CNTNAP2: variants seen among roughly 807,000 people sequenced by gnomAD.
CNTNAP2 encodes contactin associated protein 2.
A neutral mutation model predicts 155.2 loss-of-function variants in CNTNAP2; 98 were observed. That is an observed-to-expected ratio of 0.63 (90% CI 0.54 to 0.75). The LOEUF (loss-of-function observed/expected upper bound fraction) is 0.75. CNTNAP2 is among the 30% of genes least tolerant of loss of function. The pLI is 0.00. For missense variants in CNTNAP2, 1,727 were observed against 1,688.1 expected (o/e 1.02, Z -0.40); for synonymous variants, 651 against 631.2 (o/e 1.03, Z -0.47).
Position 147,366,781 on chromosome 7 carries a change from GCACACA to G in CNTNAP2, c.1499-28802_1499-28797del, listed in dbSNP as rs71182194. ...GTGATTTTTTACGAATTTGTTGCACGCACACACACACACACACACACACACACACAC... is the reference window on the plus strand; with the variant it reads ...GTGATTTTTTACGAATTTGTTGCACGCACACACACACACACACACACACAC... On this transcript the variant is annotated intron_variant, in intron 9 of 23. Transcript: ENST00000361727. Among the ~76,000 whole-genome samples the G allele has an allele frequency of 2.2e-3, 228 of 105,954 alleles. 1 individual carries two copies. The highest frequency in any genetic ancestry group is 5.6e-3 in the African/African-American group (211 of 37,470). The allele number at this position is 105,954 out of a possible 152,430, so 69.5% of individuals were successfully genotyped here. A position where few individuals can be genotyped will look rare whatever the true frequency, so the allele number is the denominator to read the frequency against.
In CNTNAP2 at chr7:146,555,790, A is replaced by G. The variant is rs116731769; in HGVS notation, c.98-218481A>G. ...TTTGGCATCAGAAGGACTGAGTACA[A>G]ACCTTGGCTCTGCCAATTAATATTG... On this transcript the variant is annotated intron_variant, in intron 1 of 23. Coordinates refer to ENST00000361727, the MANE Select transcript of CNTNAP2 (RefSeq NM_014141.6). Among the ~76,000 whole-genome samples the G allele has an allele frequency of 4.0e-3, 612 of 152,312 alleles. 8 individuals are homozygous for G. Among genetic ancestry groups the G allele is most frequent in the African/African-American group, 0.014 (598 of 41,560 alleles).
At chr7:146,649,848 T>A (rs942207155) in intron 1 of CNTNAP2, among the ~76,000 whole-genome samples, 2 of 151,954 alleles carry the variant, frequency 1.3e-5, no homozygotes, top group African/African-American at 4.8e-5. Context: ...AAGAGAAATA[T>A]ACAGAATCTG....
At chr7:146,564,824 A>G (rs1468765731) in intron 1 of CNTNAP2, among the ~76,000 whole-genome samples, 5 of 151,860 alleles carry the variant, frequency 3.3e-5, no homozygotes, top group Non-Finnish European at 5.9e-5. Context: ...TTAGTAGTTT[A>G]CAAAATATGT....
intron 14 of CNTNAP2, among the ~76,000 whole-genome samples, chr7:147,930,442 A>G (rs1334556893): frequency 3.3e-5 from 5 of 152,224 alleles, no homozygotes; most frequent in African/African-American, 1.2e-4. Flanking sequence ...CTATACTTAG[A>G]ATAGATTTTA....
chr7:147,392,368 T>C (rs1055851197), intron 9 of CNTNAP2, among the ~76,000 whole-genome samples: 1 of 152,004 alleles, frequency 6.6e-6, no homozygotes, highest in African/African-American at 2.4e-5. Flanking sequence ...TTTTAATTTT[T>C]ATTTCCATAG....
chr7:146,958,378 CT>C (rs903017081), intron 3 of CNTNAP2, among the ~76,000 whole-genome samples: 3 of 121,200 alleles, frequency 2.5e-5, no homozygotes, highest in East Asian at 2.3e-4. Flanking sequence ...TACGCTGATG[CT>C]TTTTTTTCTT....
intron 1 of CNTNAP2, among the ~76,000 whole-genome samples, chr7:146,512,410 TATGTAG>T (rs1274149185): frequency 2.0e-5 from 3 of 151,916 alleles, no homozygotes; most frequent in Admixed American, 1.3e-4. Context: ...CACTTTTTTT[TATGTAG>T]ATGTTCATTG....
At chr7:148,355,536 CT>C (rs1214348851) in intron 21 of CNTNAP2, among the ~76,000 whole-genome samples, 1 of 152,130 alleles carries the variant, frequency 6.6e-6, no homozygotes, top group African/African-American at 2.4e-5. Flanking sequence ...GGGAAAGAAG[CT>C]TGTTAATCTC....
chr7:148,202,056 A>G (rs557202397), intron 18 of CNTNAP2, among the ~76,000 whole-genome samples: 2 of 151,996 alleles, frequency 1.3e-5, no homozygotes, highest in Non-Finnish European at 1.5e-5. Context: ...GTTTCTTTGT[A>G]GGATTGGCCT....
At chr7:146,515,419 C>T (rs138822315) in intron 1 of CNTNAP2, among the ~76,000 whole-genome samples, 1 of 152,140 alleles carries the variant, frequency 6.6e-6, no homozygotes, top group African/African-American at 2.4e-5. Context: ...TGTCTGTTCA[C>T]AATTTATCAT....
chr7:147,090,513 T>TAAC, intron 4 of CNTNAP2, among the ~76,000 whole-genome samples: 1 of 152,180 alleles, frequency 6.6e-6, no homozygotes, highest in Non-Finnish European at 1.5e-5. Context: ...CCCAGGTAAC[T>TAAC]GCAGCCATGA....
intron 12 of CNTNAP2, among the ~76,000 whole-genome samples, chr7:147,626,384 C>T (rs907437082): frequency 6.6e-6 from 1 of 151,486 alleles, no homozygotes; most frequent in Admixed American, 6.6e-5. Context: ...TTCCCCACTT[C>T]TCTGGTGAAC....
At chr7:148,394,077 G>T (rs983241386) in intron 22 of CNTNAP2, among the ~76,000 whole-genome samples, 3 of 151,614 alleles carry the variant, frequency 2.0e-5, no homozygotes, top group African/African-American at 7.3e-5. Flanking sequence ...GTGTTTTATG[G>T]CTTTTGGGTT....
chr7:147,224,961 T>C lies in CNTNAP2; in HGVS notation c.1349-75180T>C, dbSNP rs145451345. 7.0e-3 allele frequency among the ~76,000 whole-genome samples: 1,064 copies of C among 152,350 alleles called. 6 individuals are homozygous for C. The highest frequency in any genetic ancestry group is 0.011 in the Non-Finnish European group (753 of 68,024). On this transcript the variant is annotated intron_variant, in intron 8 of 23. Transcript: ENST00000361727. ...GTCCTCTAATGACTTTAGAGACAAC[T>C]GTATCTTATACACTTTTTAAAAGCA...
Position 146,343,980 on chromosome 7 carries a change from A to G in CNTNAP2, c.97+227007A>G, listed in dbSNP as rs1411598688. Among the ~76,000 whole-genome samples, 4 of 152,252 alleles carry G rather than the reference A, an allele frequency of 2.6e-5. No homozygotes were observed. In the East Asian group the frequency reaches 5.8e-4, roughly 22 times the overall value. On this transcript the variant is annotated intron_variant, in intron 1 of 23. Coordinates refer to ENST00000361727, the MANE Select transcript of CNTNAP2 (RefSeq NM_014141.6). The stretch of plus-strand genomic sequence containing the variant: ...ATCATAGTTTTCTGTAGTTTTCAAA[A>G]TATCATATTTGTGGATATAACCCCT...
chr7:146,151,670 A>ATG (rs1562969015), intron 1 of CNTNAP2, among the ~76,000 whole-genome samples: 23 of 37,906 alleles, frequency 6.1e-4, no homozygotes, highest in African/African-American at 1.7e-3. Flanking sequence ...ATATATATAT[A>ATG]TATATATATA....
intron 1 of CNTNAP2, among the ~76,000 whole-genome samples, chr7:146,122,483 G>A (rs953863483): frequency 4.6e-5 from 7 of 152,166 alleles, no homozygotes; most frequent in Non-Finnish European, 8.8e-5. Context: ...ACTGTACTCA[G>A]TAAAACCACA....
intron 8 of CNTNAP2, among the ~76,000 whole-genome samples, chr7:147,234,631 G>T (rs1030660432): frequency 1.8e-4 from 27 of 152,078 alleles, no homozygotes; most frequent in Non-Finnish European, 3.8e-4. Flanking sequence ...GAGCCACCGC[G>T]CCCGGCCCAG....
intron 21 of CNTNAP2, among the ~76,000 whole-genome samples, chr7:148,371,617 A>G (rs114684402): frequency 0.011 from 1,612 of 152,296 alleles, 29 homozygotes; most frequent in African/African-American, 0.037. Context: ...ACCACTGTTC[A>G]TCTCATGATT....
Sources: allele counts gnomAD v4.1 joint callset (sites outside exome capture counted in the v4.1 genomes callset), GRCh38; gene constraint gnomAD v4.1.1; transcripts MANE v1.5; gene names NCBI Gene and HGNC (gene_info 2026-07-23, HGNC 2026-07-21).